The following ATP7A variants were observed in gnomAD, a reference collection of about 807,000 sequenced individuals.
ATP7A encodes the protein copper-transporting ATPase 1.
In ATP7A, 7 loss-of-function variants were observed where a neutral mutation model predicts 83.5. The ratio of observed to expected loss-of-function variants is 0.08; its 90% CI spans 0.05 to 0.16. ATP7A has a LOEUF of 0.16. ATP7A is among the 10% of genes least tolerant of loss of function. ATP7A has a pLI of 1.00. For missense variants in ATP7A, 940 were observed against 1,120.8 expected (o/e 0.84, Z 2.30); for synonymous variants, 354 against 395.2 (o/e 0.90, Z 1.24).
chrX:77,915,833 GC>G (rs2077181991), intron 1 of ATP7A, among the ~76,000 whole-genome samples: 1 of 111,822 alleles, frequency 8.9e-6, no homozygotes, highest in African/African-American at 3.2e-5. Context: ...CGATTCTCAT[GC>G]CTCAGCCCCC....
intron 2 of ATP7A, among the ~76,000 whole-genome samples, chrX:77,976,565 G>A (rs1244454754): frequency 8.9e-6 from 1 of 111,853 alleles, no homozygotes; most frequent in Non-Finnish European, 1.9e-5. Flanking sequence ...CCTATGAAGT[G>A]TGGTGCTAAT....
chrX:78,021,024 T>G lies in ATP7A; in HGVS notation c.2861T>G (p.Leu954Trp). ...GTTTTTGTTTCCATTGCCACCCTCT[T>G]GGTATGGATTGTAATTGGATTTCTG... is the stretch of plus-strand genomic sequence containing the variant. ...FIVFVSIATL[L>W]VWIVIGFLNF... The change falls in exon 14 of 23, where the codon TTG becomes TGG. Residue 954 changes from leucine (L) to tryptophan (W), a missense_variant. Physicochemically the swap from Leu to Trp is moderately conservative, Grantham distance 61 (BLOSUM62 -2). Around this residue, in one of 3 missense-constraint regions of ATP7A, gnomAD observed 386 missense variants for 502.2 expected, o/e 0.77. Coordinates refer to ENST00000341514, the MANE Select transcript of ATP7A (RefSeq NM_000052.7). 8.3e-7 allele frequency: 1 copy of G among 1,206,054 alleles called. No homozygotes were observed. The highest frequency in any genetic ancestry group is 1.1e-6 in the Non-Finnish European group (1 of 890,751).
At chrX:77,960,549 A>T (rs1211914217) in intron 1 of ATP7A, among the ~76,000 whole-genome samples, 1 of 112,405 alleles carries the variant, frequency 8.9e-6, no homozygotes, top group African/African-American at 3.2e-5. Flanking sequence ...GACCAGCTTT[A>T]AGAAGTGGTT....
intron 20 of ATP7A, 108 bp downstream of exon 20, chrX:78,042,896 A>G (rs782136580): frequency 4.4e-6 from 4 of 918,697 alleles, no homozygotes; most frequent in African/African-American, 1.9e-5. Flanking sequence ...GTTCCATGCT[A>G]TCAGCCATTA....
At chrX:78,036,651 C>A (rs782143740) in intron 17 of ATP7A, among the ~76,000 whole-genome samples, 1 of 111,317 alleles carries the variant, frequency 9.0e-6, no homozygotes, top group African/African-American at 3.3e-5. Context: ...GAGGCTGAGG[C>A]GGGTGGATCA....
intron 2 of ATP7A, among the ~76,000 whole-genome samples, chrX:77,978,010 C>T (rs1330042122): frequency 2.7e-5 from 3 of 111,591 alleles, no homozygotes; most frequent in Non-Finnish European, 5.6e-5. Flanking sequence ...TCCTCATTTG[C>T]AGTGACCTTC....
chrX:78,046,702 C>T lies in ATP7A; in HGVS notation c.*132C>T, dbSNP rs183290795. On this transcript the variant is annotated 3_prime_UTR_variant, in exon 23 of 23. Coordinates refer to ENST00000341514, the MANE Select transcript of ATP7A (RefSeq NM_000052.7). ...TATATTAGGGATTCTATTTGAGTTG[C>T]GTTTATCTGTTGGCAAAAATATCTT... The T allele has an allele frequency of 2.7e-5, 24 of 896,063 alleles. No individual in the cohort carries two copies. Among genetic ancestry groups the T allele is most frequent in the Admixed American group, 4.8e-5 (2 of 41,692 alleles). 73.8% of individuals were successfully genotyped at this position (896,063 alleles called of 1,213,427 possible). A position where few individuals can be genotyped will look rare whatever the true frequency, so the allele number is the denominator to read the frequency against.
Position 77,989,269 on chromosome X carries a change from A to C in ATP7A, c.647A>C (p.Gln216Pro). 1 of 1,208,835 alleles carries C rather than the reference A, an allele frequency of 8.3e-7. No homozygotes were observed. Residue 216 changes from glutamine (Q) to proline (P), a missense_variant, in exon 4 of 23, where the codon CAA becomes CCA. Coordinates refer to ENST00000341514, the MANE Select transcript of ATP7A (RefSeq NM_000052.7). ...LDNQEATIVYQPHLISVEEMK... is the reference protein window; with the variant it reads ...LDNQEATIVYPPHLISVEEMK... Reference sequence around the variant, plus strand: ...AATCAAGAAGCTACTATTGTTTATCAACCTCATCTTATCTCAGTAGAGGAA... The same window carrying C: ...AATCAAGAAGCTACTATTGTTTATCCACCTCATCTTATCTCAGTAGAGGAA...
intron 5 of ATP7A, 93 bp from the exon 6 acceptor site, chrX:78,002,980 C>G: frequency 1.1e-6 from 1 of 938,586 alleles, no homozygotes; most frequent in South Asian, 2.1e-5. Context: ...TAAGAGAAAT[C>G]CTTTCATACT....
chrX:77,977,620 G>T (rs1036679752), intron 2 of ATP7A, among the ~76,000 whole-genome samples: 11 of 112,210 alleles, frequency 9.8e-5, no homozygotes, highest in African/African-American at 3.6e-4. Flanking sequence ...GGCTATTTCC[G>T]CTGCATCTTC....
chrX:78,025,657 A>T (rs1557236256), intron 14 of ATP7A, among the ~76,000 whole-genome samples: 1 of 111,774 alleles, frequency 8.9e-6, no homozygotes, highest in Admixed American at 9.6e-5. Context: ...GTCAATGCAA[A>T]AGAAAAATAT....
intron 10 of ATP7A, 37 bp downstream of exon 10, chrX:78,013,149 G>T (rs1298295685): frequency 6.2e-6 from 7 of 1,129,882 alleles, no homozygotes; most frequent in Non-Finnish European, 7.3e-6. Flanking sequence ...TAAAATGTTG[G>T]GTGGATAAAT....
chrX:77,957,162 G>A (rs2077449784), intron 1 of ATP7A, among the ~76,000 whole-genome samples: 1 of 111,259 alleles, frequency 9.0e-6, no homozygotes, highest in African/African-American at 3.3e-5. Context: ...GTTTTTTCAT[G>A]TGCTTGTTGG....
chrX:78,010,515 A>C (rs1409682098), intron 7 of ATP7A, among the ~76,000 whole-genome samples: 1 of 110,066 alleles, frequency 9.1e-6, no homozygotes, highest in African/African-American at 3.3e-5. Context: ...CTGATAAAAC[A>C]AGACTAAATA....
chrX:77,969,427 A>G (rs782496391), intron 1 of ATP7A: 1 of 1,210,342 alleles, frequency 8.3e-7, no homozygotes. Context: ...AATGGCATCT[A>G]GCACTGTCCA....
At chrX:77,923,100 G>T (rs1430449227) in intron 1 of ATP7A, 2 of 112,278 alleles carry the variant, frequency 1.8e-5, no homozygotes, top group East Asian at 5.5e-4. Flanking sequence ...TGATGCCAAA[G>T]GTGGTCTTTT....
intron 6 of ATP7A, among the ~76,000 whole-genome samples, chrX:78,008,524 TG>T (rs1416505313): frequency 1.8e-5 from 2 of 110,556 alleles, no homozygotes; most frequent in Non-Finnish European, 3.8e-5. Flanking sequence ...TTCAGCAGGA[TG>T]AAAAAAAAAT....
At position 78,045,473 on chromosome X, in the gene ATP7A, T is replaced by G; in HGVS notation, c.4127T>G (p.Val1376Gly). Residue 1376 changes from valine (V) to glycine (G), a missense_variant, in exon 22 of 23, where the codon GTT becomes GGT. By Grantham distance (109) the Val-to-Gly change is moderately radical. Transcript: ENST00000341514. ...CTAATCCATACTTGTTTCTTAGGAG[T>G]TTTTATGCCCATTGGTTTGGTTTTG... ...NLVGIPIAAG[V>G]FMPIGLVLQP... The G allele has an allele frequency of 4.1e-6, 5 of 1,207,135 alleles. No homozygotes were observed. The highest frequency in any genetic ancestry group is 5.6e-6 in the Non-Finnish European group (5 of 892,040).
At chrX:78,003,843 G>A (rs2077755860) in intron 6 of ATP7A, among the ~76,000 whole-genome samples, 1 of 111,276 alleles carries the variant, frequency 9.0e-6, no homozygotes, top group Non-Finnish European at 1.9e-5. Context: ...TTGGGAGGCT[G>A]AGGCATGAGA....
Sources: gnomAD v4.1 joint callset for allele counts (sites outside exome capture counted in the v4.1 genomes callset) on GRCh38, gnomAD v4.1.1 for gene constraint, gnomAD v4.1.1 regional missense constraint, MANE v1.5 for transcripts, NCBI Gene and HGNC (gene_info 2026-07-23, HGNC 2026-07-21) for gene names.